The following P3H2 variants were observed in gnomAD, a reference collection of about 807,000 sequenced individuals.
The protein encoded by P3H2 is prolyl 3-hydroxylase 2.
Under a neutral mutation model 87.0 loss-of-function variants are expected in P3H2, and 80 were observed. The observed-to-expected ratio is 0.92, with a 90% confidence interval of 0.77 to 1.11. The LOEUF (loss-of-function observed/expected upper bound fraction) is 1.11, where lower values mean the gene tolerates loss of function less well. P3H2 is among the 50% of genes least tolerant of loss of function. P3H2 has a pLI of 0.00. For synonymous variants in P3H2, 367 were observed against 359.3 expected (o/e 1.02, Z -0.24); for missense variants, 1,001 against 923.9 (o/e 1.08, Z -1.08).
rs553698871 is a variant in P3H2, at chr3:190,095,661, C to T, written c.480+24591G>A. 2.4e-3 allele frequency among the ~76,000 whole-genome samples: 358 copies of T among 147,916 alleles called. 2 individuals carry two copies. The highest frequency in any genetic ancestry group is 8.5e-3 in the African/African-American group (340 of 39,842). ...TGTCACCCAGGCTGGAGTGCAGTGG[C>T]GTGATCTCGGCTCACTGCAAGCTCC... On this transcript the variant is annotated intron_variant, in intron 1 of 14. Transcript: ENST00000319332.
At chr3:190,095,793 G>A (rs534536003) in intron 1 of P3H2, among the ~76,000 whole-genome samples, 4 of 151,842 alleles carry the variant, frequency 2.6e-5, no homozygotes, top group South Asian at 2.1e-4. Flanking sequence ...TGGTAGAGAC[G>A]GGGTTTCACC....
intron 1 of P3H2, 63 bp downstream of exon 1, chr3:190,120,189 A>T (rs1443235608): frequency 6.4e-7 from 1 of 1,559,680 alleles, no homozygotes; most frequent in African/African-American, 1.4e-5. Context: ...GGCAGCAGGG[A>T]GGGCTCAAGA....
chr3:190,034,450 T>C (rs1577286005), intron 1 of P3H2, among the ~76,000 whole-genome samples: 1 of 152,224 alleles, frequency 6.6e-6, no homozygotes, highest in African/African-American at 2.4e-5. Context: ...CAGTTTCAGA[T>C]ATGTAAAAAA....
chr3:190,003,730 G>A (rs1390292708), intron 1 of P3H2, among the ~76,000 whole-genome samples: 1 of 152,188 alleles, frequency 6.6e-6, no homozygotes, highest in African/African-American at 2.4e-5. Flanking sequence ...GTATGTTACT[G>A]TTGTTTTTGG....
At chr3:189,969,218 T>C in intron 13 of P3H2, 3 of 737,518 alleles carry the variant, frequency 4.1e-6, no homozygotes, top group South Asian at 1.4e-5. Context: ...TCTGTCACCA[T>C]GGCAATACTC....
intron 1 of P3H2, among the ~76,000 whole-genome samples, chr3:190,029,227 T>C (rs1239070777): frequency 6.6e-6 from 1 of 152,216 alleles, no homozygotes; most frequent in Non-Finnish European, 1.5e-5. Flanking sequence ...GAACCATTGA[T>C]TCAATCCACC....
intron 1 of P3H2, among the ~76,000 whole-genome samples, chr3:190,114,574 T>C (rs915156512): frequency 2.0e-5 from 3 of 152,180 alleles, no homozygotes; most frequent in African/African-American, 4.8e-5. Flanking sequence ...CTTTCAGATA[T>C]GGGACAATCC....
chr3:190,095,824 G>C (rs547771408), intron 1 of P3H2, among the ~76,000 whole-genome samples: 6 of 151,892 alleles, frequency 4.0e-5, no homozygotes, highest in African/African-American at 1.5e-4. Flanking sequence ...GGATGGTCTC[G>C]ATCTCCTGAC....
At chr3:190,053,522 A>G (rs1336594170) in intron 1 of P3H2, among the ~76,000 whole-genome samples, 2 of 151,232 alleles carry the variant, frequency 1.3e-5, no homozygotes, top group Admixed American at 1.3e-4. Flanking sequence ...CAATGGCACA[A>G]TCTCGGCTCA....
intron 1 of P3H2, among the ~76,000 whole-genome samples, chr3:190,072,317 A>G (rs995334587): frequency 1.3e-5 from 2 of 152,056 alleles, no homozygotes; most frequent in Non-Finnish European, 2.9e-5. Context: ...ATGAGCCACC[A>G]TGCCCGGTCA....
upstream of P3H2, chr3:190,121,489 A>G (rs1712591003): frequency 6.6e-6 from 1 of 152,268 alleles, no homozygotes; most frequent in African/African-American, 2.4e-5. Flanking sequence ...CAGGGCCTTT[A>G]GAACCAAAGC....
At chr3:190,033,957 A>G (rs1216597503) in intron 1 of P3H2, among the ~76,000 whole-genome samples, 2 of 152,214 alleles carry the variant, frequency 1.3e-5, no homozygotes, top group Admixed American at 1.3e-4. Flanking sequence ...TTTCTTGGCA[A>G]CCAGGGAAGC....
chr3:190,092,493 G>C (rs1727440458), intron 1 of P3H2, among the ~76,000 whole-genome samples: 1 of 152,170 alleles, frequency 6.6e-6, no homozygotes, highest in South Asian at 2.1e-4. Context: ...CTCTCATTAG[G>C]AGCTACATCT....
At position 190,120,329 on chromosome 3, in the gene P3H2, G is replaced by A; in HGVS notation, c.403C>T (p.His135Tyr). 1 of 1,599,126 alleles carries A rather than the reference G, an allele frequency of 6.3e-7. No individual in the cohort carries two copies. The highest frequency in any genetic ancestry group is 8.5e-7 in the Non-Finnish European group (1 of 1,174,982). Residue 135 changes from histidine to tyrosine, a missense_variant, in exon 1 of 15, where the codon CAC becomes TAC. Transcript: ENST00000319332. Reference sequence around the variant, plus strand: ...CTGCGCACATCCTCGCTGACGCGGTGGCGGGATGCGGGGCCCCCGAGGCGC... The same window carrying A: ...CTGCGCACATCCTCGCTGACGCGGTAGCGGGATGCGGGGCCCCCGAGGCGC... ...TQRLGGPASR[H>Y]RVSEDVRSDF... is the part of the protein sequence containing the mutation.
intron 3 of P3H2, among the ~76,000 whole-genome samples, chr3:189,990,080 C>A (rs1447129036): frequency 6.8e-6 from 1 of 147,872 alleles, no homozygotes; most frequent in African/African-American, 2.5e-5. Context: ...TCAAAAGGTT[C>A]TCTGTTTAGT....
chr3:190,025,179 C>CT (rs72439195), intron 1 of P3H2, among the ~76,000 whole-genome samples: 23,538 of 149,970 alleles, frequency 0.16, 2,230 homozygotes, highest in East Asian at 0.31. Flanking sequence ...ACTAGTAGAA[C>CT]TTTTTTTTTT....
intron 1 of P3H2, among the ~76,000 whole-genome samples, chr3:190,048,059 G>C (rs755545777): frequency 6.6e-6 from 1 of 152,146 alleles, no homozygotes; most frequent in African/African-American, 2.4e-5. Context: ...AGGTACTTTA[G>C]AGGTCCCTCA....
rs574695612 is a variant in P3H2, at chr3:190,110,036, T to C, written c.480+10216A>G. 4.9e-4 allele frequency among the ~76,000 whole-genome samples: 74 copies of C among 151,706 alleles called. No individual in the cohort carries two copies. The South Asian group carries it at 0.012, about 25-fold the overall frequency. Reference sequence around the variant, plus strand: ...GCTAATTCTTGTATTTTTAGTAGAGTTGGGGTTTCACCATGTTGGCCAGGC... The same window carrying C: ...GCTAATTCTTGTATTTTTAGTAGAGCTGGGGTTTCACCATGTTGGCCAGGC... On this transcript the variant is annotated intron_variant, in intron 1 of 14. Transcript: ENST00000319332.
rs1407571816 is a variant in P3H2 at position 189,969,085 on chromosome 3, A to G, written c.1893+1731T>C. The G allele has an allele frequency of 1.3e-5, 6 of 452,808 alleles. No homozygotes were observed. The East Asian group carries it at 2.5e-4, about 19-fold the overall frequency. 28.0% of individuals were successfully genotyped at this position (452,808 alleles called of 1,614,324 possible). On this transcript the variant is annotated intron_variant, in intron 13 of 14. Transcript: ENST00000319332. ...GCCATGGAGGGTTTTTGACCATTCC[A>G]TGGATCCTATCTGAGGTATGGCAGT...
Sources: gnomAD v4.1 joint callset for allele counts (sites outside exome capture counted in the v4.1 genomes callset) on GRCh38, gnomAD v4.1.1 for gene constraint, MANE v1.5 for transcripts, NCBI Gene and HGNC (gene_info 2026-07-23, HGNC 2026-07-21) for gene names.